The following ALPK1 variants were observed in gnomAD, a reference collection of about 807,000 sequenced individuals.
ALPK1 encodes alpha-protein kinase 1.
ALPK1 carries 110 observed loss-of-function variants against 120.6 expected under a neutral mutation model. The ratio of observed to expected loss-of-function variants is 0.91; its 90% CI spans 0.78 to 1.07. The LOEUF is 1.07. Among genes scored for constraint, ALPK1 ranks in the 50% least tolerant of loss-of-function variants. The probability of loss-of-function intolerance (pLI) is 0.00; values close to 1 mark genes in which losing one functional copy is unlikely to be tolerated. For missense variants in ALPK1, 1,498 were observed against 1,483.9 expected (o/e 1.01, Z -0.16); for synonymous variants, 582 against 560.3 (o/e 1.04, Z -0.55).
At chr4:112,315,523 C>G (rs942903370) in intron 1 of ALPK1, among the ~76,000 whole-genome samples, 3 of 152,142 alleles carry the variant, frequency 2.0e-5, no homozygotes, top group Non-Finnish European at 4.4e-5. Flanking sequence ...AGGGAGGAAA[C>G]CAAAAGAGGT....
intron 2 of ALPK1, among the ~76,000 whole-genome samples, chr4:112,353,557 CT>C (rs556267674): frequency 1.3e-5 from 2 of 152,024 alleles, no homozygotes; most frequent in South Asian, 2.1e-4. Flanking sequence ...TATCCATTTA[CT>C]TTTTTTTCAA....
rs368356690 is a variant in ALPK1, at chr4:112,438,583, C to G, written c.3288C>G (p.Asn1096Lys). ...CACAGCACTATGTGACAGAATTTAA[C>G]AAGAGACTCTATGAACAAAACATTC... ...MTAQHYVTEF[N>K]KRLYEQNIPT... The change falls in exon 13 of 16, where the codon AAC (asparagine) becomes AAG (lysine). Residue 1096 changes from asparagine to lysine, a missense_variant. Coordinates refer to ENST00000650871, the MANE Select transcript of ALPK1 (RefSeq NM_025144.4). 1.5e-4 allele frequency: 241 copies of G among 1,613,908 alleles called. No homozygotes were observed. The highest frequency in any genetic ancestry group is 2.0e-4 in the Non-Finnish European group (237 of 1,179,838).
At chr4:112,340,569 A>C (rs1729816786) in intron 2 of ALPK1, among the ~76,000 whole-genome samples, 1 of 152,214 alleles carries the variant, frequency 6.6e-6, no homozygotes, top group Admixed American at 6.5e-5. Flanking sequence ...TGAAGAAAAA[A>C]ATACACATAA....
intron 4 of ALPK1, among the ~76,000 whole-genome samples, chr4:112,386,716 G>A (rs773040946): frequency 2.6e-5 from 4 of 152,090 alleles, no homozygotes; most frequent in Non-Finnish European, 5.9e-5. Flanking sequence ...CATCTTCATC[G>A]GTAATTTATA....
At chr4:112,370,600 C>A (rs1279695875) in intron 2 of ALPK1, among the ~76,000 whole-genome samples, 1 of 152,156 alleles carries the variant, frequency 6.6e-6, no homozygotes, top group Non-Finnish European at 1.5e-5. Flanking sequence ...ACCAAAATTT[C>A]CAGCAGGACT....
chr4:112,365,229 A>G (rs748245910), intron 2 of ALPK1, among the ~76,000 whole-genome samples: 2 of 152,168 alleles, frequency 1.3e-5, no homozygotes, highest in African/African-American at 2.4e-5. Context: ...AGAAAGAAAT[A>G]AAGGGCATCC....
Position 112,408,191 on chromosome 4 carries a change from GCTAT to G in ALPK1, c.277-3633_277-3630del, listed in dbSNP as rs531226980. 1.1e-3 allele frequency among the ~76,000 whole-genome samples: 173 copies of G among 152,200 alleles called. 1 individual carries two copies. The Middle Eastern group carries it at 0.014, about 12-fold the overall frequency. On this transcript the variant is annotated intron_variant, in intron 4 of 15. Transcript: ENST00000650871. Reference sequence around the variant, plus strand: ...AACATCAAAAAGAGGGCATTCACAGGCTATCTGAGTACCCCCCAAGGTCCATAGC... The same window carrying G: ...AACATCAAAAAGAGGGCATTCACAGGCTGAGTACCCCCCAAGGTCCATAGC...
At chr4:112,389,169 T>C (rs1257183496) in intron 4 of ALPK1, among the ~76,000 whole-genome samples, 1 of 151,770 alleles carries the variant, frequency 6.6e-6, no homozygotes, top group Non-Finnish European at 1.5e-5. Flanking sequence ...CTCAGCCTCC[T>C]GAGTAGCTGG....
At position 112,411,874 on chromosome 4, in the gene ALPK1, G is replaced by T. The variant is rs773551645; in HGVS notation, c.324G>T (p.Ala108=). Residue 108 remains alanine, a synonymous_variant, in exon 5 of 16, where the codon GCG becomes GCT. Coordinates refer to ENST00000650871, the MANE Select transcript of ALPK1 (RefSeq NM_025144.4). The part of the protein sequence containing the change: ...SILARDCAAA[A]AIVFLVDRFL... ...TCGCTCGGGACTGTGCGGCTGCGGC[G>T]GCTATTGTGTTCTTGGTGGACCGGT... is the stretch of plus-strand genomic sequence containing the variant. The T allele has an allele frequency of 8.1e-6, 13 of 1,613,858 alleles. No individual in the cohort carries two copies. The highest frequency in any genetic ancestry group is 6.6e-5 in the South Asian group (6 of 91,050).
chr4:112,409,425 G>A (rs1733347792), intron 4 of ALPK1, among the ~76,000 whole-genome samples: 2 of 152,164 alleles, frequency 1.3e-5, no homozygotes, highest in Admixed American at 6.5e-5. Context: ...TAAGACAAAA[G>A]AGGCAAACAA....
chr4:112,410,297 G>A (rs1733392655), intron 4 of ALPK1, among the ~76,000 whole-genome samples: 2 of 152,146 alleles, frequency 1.3e-5, no homozygotes, highest in Non-Finnish European at 2.9e-5. Flanking sequence ...TGGACCTCCT[G>A]TGTTCAAACC....
At chr4:112,325,373 A>T (rs1259944095) in intron 2 of ALPK1, among the ~76,000 whole-genome samples, 1 of 152,228 alleles carries the variant, frequency 6.6e-6, no homozygotes, top group Non-Finnish European at 1.5e-5. Context: ...GGTCAGACTT[A>T]AACAGTTCCT....
intron 1 of ALPK1, among the ~76,000 whole-genome samples, chr4:112,314,772 C>T (rs947855760): frequency 2.0e-5 from 3 of 151,566 alleles, no homozygotes; most frequent in Non-Finnish European, 1.5e-5. Flanking sequence ...CAGGAGACCT[C>T]GACCTAGGAT....
chr4:112,392,322 GACC>G (rs1187447991), intron 4 of ALPK1, among the ~76,000 whole-genome samples: 2 of 152,092 alleles, frequency 1.3e-5, no homozygotes, highest in East Asian at 3.9e-4. Flanking sequence ...CCCAAATCAA[GACC>G]TTGGCTTTAA....
intron 4 of ALPK1, among the ~76,000 whole-genome samples, chr4:112,393,208 T>C (rs1732501657): frequency 1.3e-5 from 2 of 152,148 alleles, no homozygotes; most frequent in South Asian, 4.1e-4. Context: ...GCCAAAGAAA[T>C]ACAATCCCAC....
intron 2 of ALPK1, chr4:112,352,747 T>A (rs2148711728): frequency 6.6e-6 from 1 of 152,358 alleles, no homozygotes. Context: ...TTGGTTATAA[T>A]GTTTGTAAAT....
intron 2 of ALPK1, 114 bp downstream of exon 2, chr4:112,315,966 G>C (rs1728617984): frequency 6.6e-6 from 1 of 152,154 alleles, no homozygotes; most frequent in African/African-American, 2.4e-5. Context: ...CCACTTTAGA[G>C]GCAAACATTC....
chr4:112,304,058 G>C (rs1463141787), intron 1 of ALPK1, among the ~76,000 whole-genome samples: 1 of 152,058 alleles, frequency 6.6e-6, no homozygotes, highest in Non-Finnish European at 1.5e-5. Context: ...CTTCATCCAG[G>C]TCCCTATAAA....
chr4:112,330,333 T>C (rs1729311590), intron 2 of ALPK1, among the ~76,000 whole-genome samples: 1 of 152,192 alleles, frequency 6.6e-6, no homozygotes, highest in African/African-American at 2.4e-5. Context: ...GCAACAGTTT[T>C]ATAAAAGTAC....
Sources: gnomAD v4.1 joint callset for allele counts (sites outside exome capture counted in the v4.1 genomes callset) on GRCh38, gnomAD v4.1.1 for gene constraint, MANE v1.5 for transcripts, NCBI Gene and HGNC (gene_info 2026-07-23, HGNC 2026-07-21) for gene names.